Variants in USP43 observed in about 807,000 individuals in gnomAD.
USP43 encodes the protein ubiquitin carboxyl-terminal hydrolase 43.
USP43 carries 33 observed loss-of-function variants against 90.7 expected under a neutral mutation model. The ratio of observed to expected loss-of-function variants is 0.36; its 90% CI spans 0.28 to 0.49. USP43 has a LOEUF of 0.49. Ranked by LOEUF, USP43 falls within the 20% of genes least tolerant of loss-of-function variation. USP43 has a pLI of 0.98. For missense variants in USP43, 1,274 were observed against 1,476.4 expected (o/e 0.86, Z 2.25); for synonymous variants, 598 against 615.8 (o/e 0.97, Z 0.43).
At chr17:9,699,056 T>A (rs1251287582) in intron 9 of USP43, among the ~76,000 whole-genome samples, 4 of 152,210 alleles carry the variant, frequency 2.6e-5, no homozygotes, top group African/African-American at 9.6e-5. Context: ...ATACTTCCAG[T>A]CTTCCACCTG....
intron 14 of USP43, among the ~76,000 whole-genome samples, chr17:9,723,292 T>C (rs539989816): frequency 6.6e-6 from 1 of 152,176 alleles, no homozygotes; most frequent in Non-Finnish European, 1.5e-5. Context: ...AGAATATGCC[T>C]AGGTGCGGGT....
chr17:9,707,355 A>G (rs929151545), intron 12 of USP43, among the ~76,000 whole-genome samples: 5 of 152,194 alleles, frequency 3.3e-5, no homozygotes, highest in Non-Finnish European at 4.4e-5. Context: ...CTTAATTTTA[A>G]AAATGCTTTG....
chr17:9,715,422 C>T (rs775425899), intron 14 of USP43, among the ~76,000 whole-genome samples: 16 of 152,106 alleles, frequency 1.1e-4, no homozygotes, highest in Non-Finnish European at 1.5e-4. Context: ...CACTGCACTC[C>T]GGCCTGGGTG....
chr17:9,691,407 C>T (rs1051308670), intron 8 of USP43, among the ~76,000 whole-genome samples: 7 of 152,104 alleles, frequency 4.6e-5, no homozygotes, highest in African/African-American at 9.7e-5. Context: ...CGTGAGCCAC[C>T]GCGCTGGGCT....
In USP43 at chr17:9,676,877, A is replaced by T. The variant is rs1448413603; in HGVS notation, c.965A>T (p.Asp322Val). The change falls in exon 5 of 15, where the codon GAT becomes GTT. Residue 322 changes from aspartate (D) to valine (V), a missense_variant. Physicochemically the swap from Asp to Val is radical, Grantham distance 152 (BLOSUM62 -3). Transcript: ENST00000285199. ...GCAGAGGAAGGAGGCGTCCCTGCAGATGAGGTGTGATAGAATTGCACTGGG... is the reference window on the plus strand; with the variant it reads ...GCAGAGGAAGGAGGCGTCCCTGCAGTTGAGGTGTGATAGAATTGCACTGGG... ...MVAEEGGVPA[D>V]EVILVELYPS... The T allele has an allele frequency of 6.2e-6, 10 of 1,613,512 alleles. No individual in the cohort carries two copies. Among genetic ancestry groups the T allele is most frequent in the South Asian group, 1.1e-5 (1 of 91,004 alleles).
Position 9,700,240 on chromosome 17 carries a change from T to G in USP43, c.1526T>G (p.Val509Gly). 3.1e-6 allele frequency: 5 copies of G among 1,598,502 alleles called. No individual in the cohort carries two copies. The highest frequency in any genetic ancestry group is 4.3e-6 in the Non-Finnish European group (5 of 1,172,860). ...CTGGCGGTGGAGTGGGATAGCTCTG[T>G]CAAGGAGCGGTGAGTTCAAGGGAAT... ...VKLAVEWDSS[V>G]KERLFGSLQE... Residue 509 changes from valine to glycine, a missense_variant, in exon 10 of 15, where the codon GTC becomes GGC. Coordinates refer to ENST00000285199, the MANE Select transcript of USP43 (RefSeq NM_153210.5).
intron 5 of USP43, 74 bp downstream of exon 5, chr17:9,676,955 A>G: frequency 6.5e-7 from 1 of 1,547,808 alleles, no homozygotes; most frequent in Non-Finnish European, 8.7e-7. Context: ...TAGGCTGTTT[A>G]GGCCAATTTG....
chr17:9,686,647 T>G lies in USP43; in HGVS notation c.1242-151T>G. ...ACCCTTTGCCCATTTTTAAATGGGA[T>G]TCTTTGGTTTTTTTTGCTGTTGAGT... is the stretch of plus-strand genomic sequence containing the variant. On this transcript the variant is annotated intron_variant, in intron 7 of 14. Coordinates refer to ENST00000285199, the MANE Select transcript of USP43 (RefSeq NM_153210.5). This position sits in a 1 kb window ranked among gnomAD's most constrained non-coding sequence, Gnocchi z 5.5. 1 of 613,044 alleles carries G rather than the reference T, an allele frequency of 1.6e-6. No individual in the cohort carries two copies. Among genetic ancestry groups the G allele is most frequent in the South Asian group, 2.0e-5 (1 of 49,074 alleles). 38.0% of individuals were successfully genotyped at this position (613,044 alleles called of 1,614,324 possible).
chr17:9,700,164 C>T lies in USP43; in HGVS notation c.1458-8C>T, dbSNP rs531501800. On this transcript the variant is annotated splice_polypyrimidine_tract_variant and splice_region_variant and intron_variant, in intron 9 of 14. Transcript: ENST00000285199. ...GTTTTCTGATGGGCTCCCTTGTTCTCTTCTCAGGGTTTTGCATCTCAGGAG... is the reference window on the plus strand; with the variant it reads ...GTTTTCTGATGGGCTCCCTTGTTCTTTTCTCAGGGTTTTGCATCTCAGGAG... 123 of 1,597,914 alleles carry T rather than the reference C, an allele frequency of 7.7e-5. 1 individual carries two copies. In the South Asian group the frequency reaches 1.3e-3, roughly 17 times the overall value.
intron 12 of USP43, among the ~76,000 whole-genome samples, chr17:9,704,238 C>A (rs909854113): frequency 2.6e-5 from 4 of 151,360 alleles, no homozygotes; most frequent in African/African-American, 9.8e-5. Flanking sequence ...TGTATTGGGA[C>A]CTGCATTTAG....
intron 6 of USP43, among the ~76,000 whole-genome samples, chr17:9,680,952 G>A (rs1364182155): frequency 2.1e-5 from 3 of 145,896 alleles, no homozygotes; most frequent in African/African-American, 7.6e-5. Context: ...TTGTAGATCA[G>A]GATACATTTT....
intron 12 of USP43, among the ~76,000 whole-genome samples, chr17:9,707,457 T>C (rs999291866): frequency 1.3e-5 from 2 of 152,036 alleles, no homozygotes; most frequent in Admixed American, 6.6e-5. Context: ...CCATCCTGGC[T>C]AACATGGTGA....
intron 14 of USP43, among the ~76,000 whole-genome samples, chr17:9,725,838 G>A (rs1388588486): frequency 1.3e-5 from 2 of 152,174 alleles, no homozygotes; most frequent in Non-Finnish European, 2.9e-5. Context: ...AAAAGTCACA[G>A]CTTTGTCCTA....
Position 9,675,000 on chromosome 17 carries a change from G to C in USP43, c.833+17G>C. ...CCAGACGAGGTACGTGAGTGTCGCGGCTTGCCCGGTGAACTTGACTTCCAT... is the reference window on the plus strand; with the variant it reads ...CCAGACGAGGTACGTGAGTGTCGCGCCTTGCCCGGTGAACTTGACTTCCAT... On this transcript the variant is annotated intron_variant, in intron 4 of 14. Coordinates refer to ENST00000285199, the MANE Select transcript of USP43 (RefSeq NM_153210.5). This position sits in a 1 kb window ranked among gnomAD's most constrained non-coding sequence, Gnocchi z 4.4. The C allele has an allele frequency of 6.2e-7, 1 of 1,606,302 alleles. No individual in the cohort carries two copies. Among genetic ancestry groups the C allele is most frequent in the Non-Finnish European group, 8.5e-7 (1 of 1,173,056 alleles).
chr17:9,667,967 G>C (rs1184212172), intron 3 of USP43, among the ~76,000 whole-genome samples: 1 of 152,150 alleles, frequency 6.6e-6, no homozygotes, highest in Non-Finnish European at 1.5e-5. Context: ...ACCAGGATTT[G>C]TCCCCTGAAA....
intron 9 of USP43, among the ~76,000 whole-genome samples, chr17:9,695,321 A>C (rs1413329442): frequency 6.6e-6 from 1 of 152,000 alleles, no homozygotes; most frequent in Non-Finnish European, 1.5e-5. Flanking sequence ...TTTTTGGTAA[A>C]ATACATAGAA....
chr17:9,680,117 C>A, intron 5 of USP43, 114 bp from the exon 6 acceptor site: 2 of 1,145,660 alleles, frequency 1.7e-6, no homozygotes, highest in Non-Finnish European at 2.5e-6. Flanking sequence ...AAATAAGTAG[C>A]CAATTGGAAG....
At chr17:9,652,941 G>T (rs1428529041) in intron 1 of USP43, among the ~76,000 whole-genome samples, 2 of 151,508 alleles carry the variant, frequency 1.3e-5, no homozygotes, top group African/African-American at 4.9e-5. Context: ...ATGTATTTTT[G>T]CATTTTTTCT....
rs755100227 is a variant in USP43 at position 9,682,835 on chromosome 17, G to C, written c.1118G>C (p.Gly373Ala). The C allele has an allele frequency of 1.2e-6, 2 of 1,613,822 alleles. No homozygotes were observed. The highest frequency in any genetic ancestry group is 2.7e-5 in the African/African-American group (2 of 74,916). Residue 373 changes from glycine (G) to alanine (A), a missense_variant, in exon 7 of 15, where the codon GGT (glycine) becomes GCT (alanine). By Grantham distance (60) the Gly-to-Ala change is moderately conservative. Transcript: ENST00000285199. ...SQGTLSAHPL[G>A]LSASPRLAAR... ...CTCTCCCTTCTAGCTCATCCACTGGGTCTGTCGGCCTCCCCACGCCTGGCA... is the reference window on the plus strand; with the variant it reads ...CTCTCCCTTCTAGCTCATCCACTGGCTCTGTCGGCCTCCCCACGCCTGGCA...
Sources: allele counts gnomAD v4.1 joint callset (sites outside exome capture counted in the v4.1 genomes callset), GRCh38; gene constraint gnomAD v4.1.1; non-coding constraint Gnocchi (gnomAD v3.1); transcripts MANE v1.5; gene names NCBI Gene and HGNC (gene_info 2026-07-23, HGNC 2026-07-21).